DAB1: variants seen among roughly 807,000 people sequenced by gnomAD.
The protein encoded by DAB1 is disabled homolog 1.
In DAB1, 15 loss-of-function variants were observed where a neutral mutation model predicts 64.6. The ratio of observed to expected loss-of-function variants is 0.23; its 90% CI spans 0.16 to 0.36. DAB1 has a LOEUF of 0.36. Ranked by LOEUF, DAB1 falls within the 10% of genes least tolerant of loss-of-function variation. The pLI, the probability that DAB1 is intolerant of heterozygous loss-of-function variation, is 1.00. For synonymous variants in DAB1, 235 were observed against 251.9 expected, an observed-to-expected ratio of 0.93 and a Z score of 0.64; for missense variants, 596 against 706.7, an observed-to-expected ratio of 0.84 and a Z score of 1.78.
intron 1 of DAB1, among the ~76,000 whole-genome samples, chr1:57,301,537 G>A (rs1673657609): frequency 6.6e-6 from 1 of 152,152 alleles, no homozygotes; most frequent in Admixed American, 6.5e-5. Context: ...GTCTAGCAGA[G>A]AGAAAAGACA....
intron 5 of DAB1, among the ~76,000 whole-genome samples, chr1:58,033,007 T>C (rs1646992445): frequency 6.6e-6 from 1 of 152,190 alleles, no homozygotes; most frequent in Non-Finnish European, 1.5e-5. Context: ...CTCTGGTCCC[T>C]TTCTCTGGAA....
At chr1:57,862,426 T>C (rs1469939006) in intron 1 of DAB1, 1 of 152,140 alleles carries the variant, frequency 6.6e-6, no homozygotes. Flanking sequence ...ACGTTTTCAA[T>C]GTTAAAGATT....
chr1:58,122,370 T>C (rs1400583905), intron 5 of DAB1, among the ~76,000 whole-genome samples: 3 of 152,184 alleles, frequency 2.0e-5, no homozygotes, highest in Non-Finnish European at 4.4e-5. Context: ...AGGATGACTT[T>C]GGGCAAGTCC....
At chr1:58,383,424 C>T (rs1644406988) in intron 3 of DAB1, among the ~76,000 whole-genome samples, 1 of 152,158 alleles carries the variant, frequency 6.6e-6, no homozygotes, top group African/African-American at 2.4e-5. Flanking sequence ...TTTAATATAT[C>T]TTAGGCCCTG....
At chr1:57,773,851 C>A (rs1243568677) in intron 6 of DAB1, among the ~76,000 whole-genome samples, 1 of 152,002 alleles carries the variant, frequency 6.6e-6, no homozygotes, top group Non-Finnish European at 1.5e-5. Context: ...TGTTCTGTTT[C>A]ATTTAATGAT....
intron 1 of DAB1, among the ~76,000 whole-genome samples, chr1:57,309,479 T>C (rs184493011): frequency 4.1e-4 from 63 of 152,238 alleles, no homozygotes; most frequent in African/African-American, 1.4e-3. Flanking sequence ...TGATAAGACT[T>C]CTGCCCACAC....
chr1:57,299,194 C>A (rs79231189), intron 1 of DAB1, among the ~76,000 whole-genome samples: 3,792 of 152,256 alleles, frequency 0.025, 159 homozygotes, highest in African/African-American at 0.087. Flanking sequence ...TAAGTGGGAT[C>A]TTGCTACACA....
At chr1:57,339,815 C>T (rs1382572840) in intron 1 of DAB1, among the ~76,000 whole-genome samples, 1 of 152,148 alleles carries the variant, frequency 6.6e-6, no homozygotes, top group Non-Finnish European at 1.5e-5. Flanking sequence ...ATAGTTATGA[C>T]AAAATGACAC....
intron 4 of DAB1, among the ~76,000 whole-genome samples, chr1:58,283,051 G>A (rs181660632): frequency 3.4e-4 from 51 of 150,156 alleles, no homozygotes; most frequent in African/African-American, 1.2e-3. Context: ...AGTAATAGTA[G>A]ACAGAATTTT....
At chr1:57,733,733 A>G (rs1281144065) in intron 6 of DAB1, among the ~76,000 whole-genome samples, 1 of 152,014 alleles carries the variant, frequency 6.6e-6, no homozygotes, top group African/African-American at 2.4e-5. Flanking sequence ...TTTCCAGAAG[A>G]GGATTAGGGT....
intron 5 of DAB1, among the ~76,000 whole-genome samples, chr1:57,956,443 G>GA (rs944416869): frequency 2.6e-5 from 4 of 152,168 alleles, no homozygotes; most frequent in Non-Finnish European, 4.4e-5. Flanking sequence ...GGAATTCAGG[G>GA]AAAAAAATAG....
intron 3 of DAB1, among the ~76,000 whole-genome samples, chr1:58,455,916 T>G (rs1645189103): frequency 6.6e-6 from 1 of 152,156 alleles, no homozygotes; most frequent in Non-Finnish European, 1.5e-5. Context: ...TCTTCATCAG[T>G]CAGGGGCACA....
chr1:57,521,109 C>G (rs1644520793), intron 7 of DAB1, among the ~76,000 whole-genome samples: 1 of 152,116 alleles, frequency 6.6e-6, no homozygotes, highest in Non-Finnish European at 1.5e-5. Context: ...ACCAGAGAAC[C>G]AAGACTACCC....
intron 3 of DAB1, among the ~76,000 whole-genome samples, chr1:58,477,721 G>A (rs905934669): frequency 6.6e-6 from 1 of 152,080 alleles, no homozygotes; most frequent in Non-Finnish European, 1.5e-5. Flanking sequence ...GAGAAAGACT[G>A]CAAAGAAAAA....
intron 4 of DAB1, among the ~76,000 whole-genome samples, chr1:58,189,965 C>T (rs979474540): frequency 2.0e-5 from 3 of 152,124 alleles, no homozygotes; most frequent in Non-Finnish European, 2.9e-5. Context: ...TTTTCCTTTC[C>T]TCACTCCCTC....
intron 7 of DAB1, among the ~76,000 whole-genome samples, chr1:57,537,272 G>C (rs1644741419): frequency 6.6e-6 from 1 of 152,154 alleles, no homozygotes; most frequent in Non-Finnish European, 1.5e-5. Context: ...GAACCACCTT[G>C]GGAGCTTTTC....
intron 1 of DAB1, among the ~76,000 whole-genome samples, chr1:57,355,851 G>A (rs1679050407): frequency 7.2e-6 from 1 of 138,206 alleles, no homozygotes; most frequent in African/African-American, 2.7e-5. Flanking sequence ...GTGGTAACTA[G>A]CTTTTTTGTT....
At chr1:58,297,914 T>C (rs531516563) in intron 4 of DAB1, among the ~76,000 whole-genome samples, 22 of 152,280 alleles carry the variant, frequency 1.4e-4, no homozygotes, top group African/African-American at 5.3e-4. Flanking sequence ...TGAGAAAGAA[T>C]GTGTCTATAG....
At chr1:58,370,029 T>A (rs1273416689) in intron 3 of DAB1, among the ~76,000 whole-genome samples, 1 of 152,230 alleles carries the variant, frequency 6.6e-6, no homozygotes, top group Non-Finnish European at 1.5e-5. Flanking sequence ...TTTAAATGTG[T>A]ATATTCTAGG....
Sources: gnomAD v4.1 joint callset for allele counts (sites outside exome capture counted in the v4.1 genomes callset) on GRCh38, gnomAD v4.1.1 for gene constraint, MANE v1.5 for transcripts, NCBI Gene and HGNC (gene_info 2026-07-23, HGNC 2026-07-21) for gene names.